Variants in FCAMR observed in about 807,000 individuals in gnomAD.
FCAMR encodes the protein Fc alpha and mu receptor.
FCAMR carries 51 observed loss-of-function variants against 52.2 expected under a neutral mutation model. That is an observed-to-expected ratio of 0.98 (90% CI 0.78 to 1.23). FCAMR has a LOEUF of 1.23. Ranked by LOEUF, FCAMR falls within the 50% of genes most tolerant of loss-of-function variation. FCAMR has a pLI of 0.00. For synonymous variants in FCAMR, 282 were observed against 262.0 expected, an observed-to-expected ratio of 1.08 and a Z score of -0.74; for missense variants, 719 against 712.6, an observed-to-expected ratio of 1.01 and a Z score of -0.10.
intron 2 of FCAMR, among the ~76,000 whole-genome samples, 192 bp downstream of exon 2, chr1:206,967,391 G>A (rs1461924927): frequency 6.6e-6 from 1 of 152,144 alleles, no homozygotes; most frequent in Non-Finnish European, 1.5e-5. Context: ...TCCCTCTGTA[G>A]GATTCTAGCC....
chr1:206,969,207 C>T (rs1680838572), intron 1 of FCAMR: 1 of 423,380 alleles, frequency 2.4e-6, no homozygotes, highest in Non-Finnish European at 4.8e-6. Flanking sequence ...CATGTTGGGG[C>T]CAAAGTCTCT....
At chr1:206,968,211 T>G (rs537175153) in intron 1 of FCAMR, among the ~76,000 whole-genome samples, 1 of 152,290 alleles carries the variant, frequency 6.6e-6, no homozygotes, top group East Asian at 1.9e-4. Context: ...TGGTGGCACA[T>G]GCCTGTAATC....
In FCAMR at chr1:206,960,554, G is replaced by C. The variant is rs1279776327; in HGVS notation, c.1322C>G (p.Ala441Gly). ...TGCAGCGCTTCCTTCCCCAGATGCT[G>C]CCTCCATGCTGGTCCACACATCTGC... Reference protein sequence around the residue: ...PAADVWTSMEAASGEGSAAGD... With the variant: ...PAADVWTSMEGASGEGSAAGD... Residue 441 changes from alanine (A) to glycine (G), a missense_variant, in exon 6 of 8, where the codon GCA becomes GGA. Physicochemically the swap from Ala to Gly is moderately conservative, Grantham distance 60 (BLOSUM62 0). Transcript: ENST00000324852. 6.4e-7 allele frequency: 1 copy of C among 1,551,814 alleles called. No homozygotes were observed. Among genetic ancestry groups the C allele is most frequent in the South Asian group, 1.2e-5 (1 of 84,066 alleles).
chr1:206,961,032 G>T lies in FCAMR; in HGVS notation c.844C>A (p.Arg282=), dbSNP rs761593099. 3.3e-5 allele frequency: 51 copies of T among 1,551,868 alleles called. No individual in the cohort carries two copies. The African/African-American group carries it at 6.3e-4, about 19-fold the overall frequency. ...SKTTASAEGR[R]TPGATRPAAP... is the part of the protein sequence containing the mutation. ...GCTGGCCTGGTTGCTCCTGGGGTTC[G>T]TCTTCCCTCAGCTGAAGCTGTAGTC... The change falls in exon 6 of 8, where the codon CGA becomes AGA. Residue 282 remains arginine (R), a synonymous_variant. Transcript: ENST00000324852.
At chr1:206,959,154 C>G (rs139491907) in intron 7 of FCAMR, among the ~76,000 whole-genome samples, 8 of 152,136 alleles carry the variant, frequency 5.3e-5, no homozygotes, top group Non-Finnish European at 8.8e-5. Context: ...GCCATTGACA[C>G]GTAAGTACAG....
rs775994067 is a variant in FCAMR, at chr1:206,970,152, G to T, written c.-27C>A. On this transcript the variant is annotated 5_prime_UTR_variant, in exon 1 of 8. Transcript: ENST00000324852. ...TCAGTCCAGAAACAAGATCCAGGTG[G>T]ACTTTTCTTCTCCTTATGAGATGCA... 1 of 1,613,684 alleles carries T rather than the reference G, an allele frequency of 6.2e-7. No individual in the cohort carries two copies. The highest frequency in any genetic ancestry group is 8.5e-7 in the Non-Finnish European group (1 of 1,179,786).
At position 206,960,967 on chromosome 1, in the gene FCAMR, T is replaced by C. The variant is rs1291830319; in HGVS notation, c.909A>G (p.Lys303=). 19 of 1,551,860 alleles carry C rather than the reference T, an allele frequency of 1.2e-5. No homozygotes were observed. Among genetic ancestry groups the C allele is most frequent in the Non-Finnish European group, 1.6e-5 (18 of 1,147,046 alleles). ...GTGSWAEGSV[K]APAPIPESPP... is the part of the protein sequence containing the mutation. ...GACTCTCTGGAATCGGAGCAGGTGC[T>C]TTGACAGAACCCTCTGCCCAGCTGC... The change falls in exon 6 of 8, where the codon AAA becomes AAG. Residue 303 remains lysine, a synonymous_variant. Transcript: ENST00000324852.
At chr1:206,963,929 C>T (rs1680607746) in intron 4 of FCAMR, among the ~76,000 whole-genome samples, 1 of 152,196 alleles carries the variant, frequency 6.6e-6, no homozygotes, top group Admixed American at 6.5e-5. Flanking sequence ...GGCTATCTGC[C>T]CTGCTCTGTG....
At chr1:206,966,196 A>G (rs1346761092) in intron 3 of FCAMR, among the ~76,000 whole-genome samples, 1 of 152,194 alleles carries the variant, frequency 6.6e-6, no homozygotes, top group East Asian at 1.9e-4. Context: ...TTTAGCTGGA[A>G]ACTTTAAATG....
At chr1:206,961,400 T>C (rs1475472949) in intron 5 of FCAMR, among the ~76,000 whole-genome samples, 177 bp from the exon 6 acceptor site, 1 of 152,242 alleles carries the variant, frequency 6.6e-6, no homozygotes, top group East Asian at 1.9e-4. Context: ...ATTCTCCAGT[T>C]TGTGGCAAAC....
intron 6 of FCAMR, 181 bp from the exon 7 acceptor site, chr1:206,959,978 T>C: frequency 1.7e-6 from 1 of 588,488 alleles, no homozygotes; most frequent in Non-Finnish European, 3.0e-6. Context: ...GTCTTCAGGC[T>C]TCCAAGCCTG....
rs1033312044 is a variant in FCAMR, at chr1:206,959,089, C to T, written c.1574-413G>A. The T allele has an allele frequency of 2.9e-5, 11 of 383,252 alleles. No individual in the cohort carries two copies. In the East Asian group the frequency reaches 6.9e-4, roughly 24 times the overall value. The allele number at this position is 383,252 out of a possible 1,614,324, so 23.7% of individuals were successfully genotyped here. The stretch of plus-strand genomic sequence containing the variant: ...GGTTGCTTATGAGGCTTATGGTTAA[C>T]ATAGGCATCACAGCCTTTGTAATCT... On this transcript the variant is annotated intron_variant, in intron 7 of 7. Transcript: ENST00000324852.
intron 4 of FCAMR, among the ~76,000 whole-genome samples, chr1:206,963,261 T>C (rs1410602272): frequency 6.6e-6 from 1 of 152,162 alleles, no homozygotes; most frequent in African/African-American, 2.4e-5. Flanking sequence ...AATGCCACCA[T>C]ATAAGCACAG....
chr1:206,961,723 T>G (rs952771364), intron 5 of FCAMR, among the ~76,000 whole-genome samples: 1 of 152,234 alleles, frequency 6.6e-6, no homozygotes, highest in Non-Finnish European at 1.5e-5. Context: ...GTGCCTGACT[T>G]GGGATCAACA....
In FCAMR at chr1:206,959,475, T is replaced by TAA. The variant is rs371737879; in HGVS notation, c.1573+202_1573+203dup. ...CTGGATGACAGAGCAAGAGTCTGTC[T>TAA]AAAAAAAAAAAAAAAAGAAAAGAAA... On this transcript the variant is annotated intron_variant, in intron 7 of 7. Transcript: ENST00000324852. 3.4e-3 allele frequency among the ~76,000 whole-genome samples: 263 copies of TAA among 76,448 alleles called. 4 individuals carry two copies. In the East Asian group the frequency reaches 0.074, roughly 22 times the overall value. 50.2% of individuals were successfully genotyped at this position (76,448 alleles called of 152,430 possible).
intron 4 of FCAMR, among the ~76,000 whole-genome samples, chr1:206,964,654 C>A (rs1680637949): frequency 6.6e-6 from 1 of 151,840 alleles, no homozygotes; most frequent in South Asian, 2.1e-4. Flanking sequence ...AAAGCCTCAC[C>A]AGAAGTCAAG....
rs1680875406 is a variant in FCAMR at position 206,970,097 on chromosome 1, C to T, written c.29G>A (p.Gly10Glu). The T allele has an allele frequency of 6.2e-7, 1 of 1,613,986 alleles. No individual in the cohort carries two copies. Among genetic ancestry groups the T allele is most frequent in the African/African-American group, 1.3e-5 (1 of 74,912 alleles). MDGEATVKP[G>E]EQKEVVRRGR... ...AAAGCATCATTTCACCTTTTGTTCTCCAGGCTTCACTGTGGCCTCTCCATC... is the reference window on the plus strand; with the variant it reads ...AAAGCATCATTTCACCTTTTGTTCTTCAGGCTTCACTGTGGCCTCTCCATC... Residue 10 changes from glycine to glutamate, a missense_variant, in exon 1 of 8, where the codon GGA becomes GAA. Gly to Glu is a moderately conservative substitution (Grantham distance 98). Transcript: ENST00000324852.
chr1:206,965,703 T>TCGAACAA lies in FCAMR; in HGVS notation c.313+11_313+12insTTGTTCG. 1 of 1,551,262 alleles carries TCGAACAA rather than the reference T, an allele frequency of 6.4e-7. No individual in the cohort carries two copies. The highest frequency in any genetic ancestry group is 8.6e-7 in the Non-Finnish European group (1 of 1,156,470). ...GGTCCATGGTCGAACAAAGGGAGAG[T>TCGAACAA]AGGGGTTGTACCTGCAAAGGAGCTC... On this transcript the variant is annotated intron_variant, in intron 4 of 7. Transcript: ENST00000324852.
At position 206,961,213 on chromosome 1, in the gene FCAMR, GC is replaced by G; in HGVS notation, c.662del (p.Ser221ThrfsTer15). The G allele has an allele frequency of 6.5e-7, 1 of 1,547,560 alleles. No individual in the cohort carries two copies. The highest frequency in any genetic ancestry group is 8.7e-7 in the Non-Finnish European group (1 of 1,144,948). On this transcript the variant is annotated frameshift_variant, in exon 6 of 8. Transcript: ENST00000324852. LOFTEE classifies it high-confidence loss of function. ...MNLTISAGPA[S>X]TLPTATPAAG... ...CAGCTGGAGTGGCTGTGGGGAGGGT[GC>G]TGGCGGGACCTGTGTGGACAGCAGA...
Sources: gnomAD v4.1 joint callset for allele counts (sites outside exome capture counted in the v4.1 genomes callset) on GRCh38, gnomAD v4.1.1 for gene constraint, MANE v1.5 for transcripts, NCBI Gene and HGNC (gene_info 2026-07-23, HGNC 2026-07-21) for gene names.